Variants in PPM1H observed in about 807,000 individuals in gnomAD.
PPM1H encodes the protein protein phosphatase, Mg2+/Mn2+ dependent 1H.
PPM1H carries 27 observed loss-of-function variants against 54.9 expected under a neutral mutation model. The ratio of observed to expected loss-of-function variants is 0.49; its 90% CI spans 0.36 to 0.68. PPM1H has a LOEUF of 0.68. Ranked by LOEUF, PPM1H falls within the 30% of genes least tolerant of loss-of-function variation. The pLI is 0.00. For missense variants in PPM1H, 596 were observed against 667.8 expected, an observed-to-expected ratio of 0.89 and a Z score of 1.19; for synonymous variants, 305 against 270.8, an observed-to-expected ratio of 1.13 and a Z score of -1.24.
intron 3 of PPM1H, among the ~76,000 whole-genome samples, chr12:62,800,475 T>TAC (rs1473326836): frequency 6.6e-6 from 1 of 152,210 alleles, no homozygotes; most frequent in Non-Finnish European, 1.5e-5. Context: ...TAGCTGGGAT[T>TAC]ACAGGCATGT....
intron 5 of PPM1H, among the ~76,000 whole-genome samples, chr12:62,724,881 G>A (rs1295124687): frequency 6.6e-6 from 1 of 152,102 alleles, no homozygotes; most frequent in Non-Finnish European, 1.5e-5. Flanking sequence ...GTTGGCTAAG[G>A]TTTCCAAAAC....
intron 4 of PPM1H, among the ~76,000 whole-genome samples, chr12:62,748,697 GC>G (rs1357893525): frequency 1.3e-5 from 2 of 152,176 alleles, no homozygotes; most frequent in Non-Finnish European, 2.9e-5. Flanking sequence ...TAATTGTCAA[GC>G]CCTCCTCCAG....
chr12:62,716,244 A>G (rs1160414870), intron 6 of PPM1H, among the ~76,000 whole-genome samples: 2 of 152,198 alleles, frequency 1.3e-5, no homozygotes, highest in African/African-American at 4.8e-5. Flanking sequence ...CTCTGAAGTT[A>G]CGCTGCCTGG....
chr12:62,737,515 C>A lies in PPM1H; in HGVS notation c.941G>T (p.Arg314Leu). ...SEFTPETERQ[R>L]LQYLAFMQPH... is the part of the protein sequence containing the mutation. ...GATGACTCTTACCAGGTACTGAAGT[C>A]GCTGGCGCTCCGTCTCGGGGGTAAA... is the stretch of plus-strand genomic sequence containing the variant. Residue 314 changes from arginine (R) to leucine (L), a missense_variant, in exon 5 of 10, where the codon CGA becomes CTA. By Grantham distance (102) the Arg-to-Leu change is moderately radical (BLOSUM62 -2). Coordinates refer to ENST00000228705, the MANE Select transcript of PPM1H (RefSeq NM_020700.2). 2 of 1,576,336 alleles carry A rather than the reference C, an allele frequency of 1.3e-6. No individual in the cohort carries two copies. The highest frequency in any genetic ancestry group is 1.3e-5 in the African/African-American group (1 of 74,108).
chr12:62,737,555 G>A lies in PPM1H; in HGVS notation c.901C>T (p.Pro301Ser), dbSNP rs1299717481. The change falls in exon 5 of 10, where the codon CCC becomes TCC. Residue 301 changes from proline (P) to serine (S), a missense_variant. Coordinates refer to ENST00000228705, the MANE Select transcript of PPM1H (RefSeq NM_020700.2). The stretch of plus-strand genomic sequence containing the variant: ...TCGGGGGTAAATTCTGAAGACATGG[G>A]GATAATTTCTCCATTTCTGATGATT... ...AIIIRNGEII[P>S]MSSEFTPETE... The A allele has an allele frequency of 6.3e-7, 1 of 1,585,438 alleles. No individual in the cohort carries two copies. The highest frequency in any genetic ancestry group is 8.6e-7 in the Non-Finnish European group (1 of 1,164,824).
At chr12:62,836,895 C>T (rs377275343) in intron 1 of PPM1H, among the ~76,000 whole-genome samples, 19 of 152,266 alleles carry the variant, frequency 1.2e-4, no homozygotes, top group African/African-American at 4.6e-4. Context: ...TGAACCAAAA[C>T]CCCTAAGATT....
chr12:62,668,592 G>T (rs1035260375), intron 8 of PPM1H, among the ~76,000 whole-genome samples: 2 of 152,124 alleles, frequency 1.3e-5, no homozygotes, highest in Non-Finnish European at 2.9e-5. Flanking sequence ...GTCCCAGCTG[G>T]TCTGGAACCC....
At chr12:62,786,268 T>G (rs1319975828) in intron 4 of PPM1H, among the ~76,000 whole-genome samples, 1 of 152,210 alleles carries the variant, frequency 6.6e-6, no homozygotes, top group Non-Finnish European at 1.5e-5. Context: ...GGCCACTCAG[T>G]GTGTTTTAAA....
At chr12:62,680,501 C>A (rs1311681493) in intron 8 of PPM1H, among the ~76,000 whole-genome samples, 1 of 152,142 alleles carries the variant, frequency 6.6e-6, no homozygotes, top group African/African-American at 2.4e-5. Flanking sequence ...AAACCACCCA[C>A]TCTTAGAATA....
At chr12:62,701,199 A>C (rs1342799831) in intron 6 of PPM1H, among the ~76,000 whole-genome samples, 1 of 152,238 alleles carries the variant, frequency 6.6e-6, no homozygotes. Context: ...ACAAAAGCAA[A>C]GAGTCTCCTT....
intron 1 of PPM1H, among the ~76,000 whole-genome samples, chr12:62,906,422 TTTAAG>T (rs1414286043): frequency 6.6e-6 from 1 of 152,194 alleles, no homozygotes; most frequent in East Asian, 1.9e-4. Flanking sequence ...AACATTGCAG[TTTAAG>T]TTGTTAAAAG....
intron 9 of PPM1H, among the ~76,000 whole-genome samples, chr12:62,664,605 C>T (rs924606120): frequency 3.9e-5 from 6 of 152,154 alleles, no homozygotes; most frequent in African/African-American, 1.4e-4. Context: ...TATTTTAGTT[C>T]TATCATTTTT....
intron 1 of PPM1H, among the ~76,000 whole-genome samples, chr12:62,933,450 G>T (rs561857804): frequency 1.6e-4 from 24 of 152,236 alleles, no homozygotes; most frequent in Admixed American, 2.0e-4. Flanking sequence ...CAGCGAGGCC[G>T]TGCACGGATA....
chr12:62,862,394 T>C (rs1338141495), intron 1 of PPM1H, among the ~76,000 whole-genome samples: 1 of 152,190 alleles, frequency 6.6e-6, no homozygotes, highest in Admixed American at 6.5e-5. Flanking sequence ...GTGACCTAAA[T>C]AAACTTGAAT....
intron 9 of PPM1H, among the ~76,000 whole-genome samples, chr12:62,650,769 G>T (rs780767756): frequency 6.6e-6 from 1 of 152,074 alleles, no homozygotes; most frequent in African/African-American, 2.4e-5. Context: ...ATCAGATCTC[G>T]TAAGAACTCA....
intron 6 of PPM1H, among the ~76,000 whole-genome samples, chr12:62,712,588 T>C (rs921232809): frequency 1.3e-5 from 2 of 152,138 alleles, no homozygotes; most frequent in Non-Finnish European, 2.9e-5. Flanking sequence ...TTTCCGAAGA[T>C]TGGGTTAAGA....
At chr12:62,760,826 C>T (rs1013832000) in intron 4 of PPM1H, among the ~76,000 whole-genome samples, 1 of 152,110 alleles carries the variant, frequency 6.6e-6, no homozygotes, top group Non-Finnish European at 1.5e-5. Flanking sequence ...AGTAAATGGC[C>T]AAATGACCTA....
chr12:62,814,174 G>A (rs889923884), intron 2 of PPM1H, among the ~76,000 whole-genome samples: 3 of 152,036 alleles, frequency 2.0e-5, no homozygotes, highest in Admixed American at 6.6e-5. Flanking sequence ...CAGTCTCCTG[G>A]GTTCAAGCCA....
chr12:62,664,693 C>G (rs1330622088), intron 9 of PPM1H, among the ~76,000 whole-genome samples: 1 of 152,146 alleles, frequency 6.6e-6, no homozygotes, highest in Non-Finnish European at 1.5e-5. Flanking sequence ...TTTACTAATA[C>G]CTTAGCTTAA....
Sources: allele counts gnomAD v4.1 joint callset (sites outside exome capture counted in the v4.1 genomes callset), GRCh38; gene constraint gnomAD v4.1.1; transcripts MANE v1.5; gene names NCBI Gene and HGNC (gene_info 2026-07-23, HGNC 2026-07-21).